The following NDUFAF8 variants were observed in gnomAD, a reference collection of about 807,000 sequenced individuals.
The protein encoded by NDUFAF8 is NADH:ubiquinone oxidoreductase complex assembly factor 8, also known as NADH dehydrogenase [ubiquinone] 1 alpha subcomplex assembly factor 8.
Under a neutral mutation model 9.9 loss-of-function variants are expected in NDUFAF8, and 9 were observed. That is an observed-to-expected ratio of 0.91 (90% CI 0.55 to 1.59). The LOEUF is 1.59. NDUFAF8 is among the 40% of genes most tolerant of loss of function. The pLI is 0.00. For missense variants in NDUFAF8, 114 were observed against 113.8 expected (o/e 1.00, Z -0.01); for synonymous variants, 63 against 51.2 (o/e 1.23, Z -0.98).
At position 81,241,021 on chromosome 17, in the gene NDUFAF8, G is replaced by T. The variant is rs777099199; in HGVS notation, c.*5G>T. The T allele has an allele frequency of 6.2e-7, 1 of 1,613,084 alleles. No homozygotes were observed. The highest frequency in any genetic ancestry group is 8.5e-7 in the Non-Finnish European group (1 of 1,179,622). On this transcript the variant is annotated 3_prime_UTR_variant, in exon 3 of 3. Coordinates refer to ENST00000431388, the MANE Select transcript of NDUFAF8 (RefSeq NM_001086521.2). ...ACGCTGGAGGGAGGCTGTTAGGAGG[G>T]ACTCTGAGCTTCACACCTGTCTGCT... is the stretch of plus-strand genomic sequence containing the variant.
At chr17:81,240,685 G>T (rs549388904) in intron 2 of NDUFAF8, among the ~76,000 whole-genome samples, 39 of 151,580 alleles carry the variant, frequency 2.6e-4, no homozygotes, top group African/African-American at 8.2e-4. Flanking sequence ...AAAAAAAGGG[G>T]GGGGGCTCCT....
Position 81,240,998 on chromosome 17 carries a change from G to T in NDUFAF8, c.207G>T (p.Thr69=). ...RSCFAAAAKK[T]LEGGC ...ACTTTATCTTGCAGGCCAAGAAGAC[G>T]CTGGAGGGAGGCTGTTAGGAGGGAC... Residue 69 remains threonine (T), a synonymous_variant, in exon 3 of 3, where the codon ACG becomes ACT. Coordinates refer to ENST00000431388, the MANE Select transcript of NDUFAF8 (RefSeq NM_001086521.2). 1 of 1,613,300 alleles carries T rather than the reference G, an allele frequency of 6.2e-7. No individual in the cohort carries two copies. The highest frequency in any genetic ancestry group is 1.1e-5 in the South Asian group (1 of 90,968).
rs1223570142 is a variant in NDUFAF8 at position 81,239,387 on chromosome 17, G to A, written c.24G>A (p.Trp8Ter). 20 of 1,369,938 alleles carry A rather than the reference G, an allele frequency of 1.5e-5. No individual in the cohort carries two copies. Among genetic ancestry groups the A allele is most frequent in the Middle Eastern group, 5.4e-4 (2 of 3,680 alleles). The allele number at this position is 1,369,938 out of a possible 1,614,324, so 84.9% of individuals were successfully genotyped here. Reference protein sequence around the residue: MSANGAVWGRVRSRLRAF... With the variant: MSANGAV ...TCATGTCGGCTAACGGAGCGGTGTGGGGCCGCGTGCGAAGCCGCCTCCGCG... is the reference window on the plus strand; with the variant it reads ...TCATGTCGGCTAACGGAGCGGTGTGAGGCCGCGTGCGAAGCCGCCTCCGCG... Residue 8 changes from tryptophan to a stop codon, truncating the protein, a stop_gained, in exon 1 of 3, where the codon TGG becomes TGA. Coordinates refer to ENST00000431388, the MANE Select transcript of NDUFAF8 (RefSeq NM_001086521.2). LOFTEE classifies it high-confidence loss of function.
rs1450437088 is a variant in NDUFAF8, at chr17:81,239,697, C to A, written c.195+19C>A. 2.8e-5 allele frequency: 43 copies of A among 1,530,660 alleles called. No individual in the cohort carries two copies. The highest frequency in any genetic ancestry group is 3.6e-5 in the Non-Finnish European group (41 of 1,141,308). The allele number at this position is 1,530,660 out of a possible 1,614,324, so 94.8% of individuals were successfully genotyped here. A position where few individuals can be genotyped will look rare whatever the true frequency, so the allele number is the denominator to read the frequency against. ...CGCTGCGGTAGGTGGGCGCGGGCCC[C>A]TTCCCCCCTTCCCAGCCCTTCCCCT... On this transcript the variant is annotated intron_variant, in intron 2 of 2. Coordinates refer to ENST00000431388, the MANE Select transcript of NDUFAF8 (RefSeq NM_001086521.2).
At position 81,239,441 on chromosome 17, in the gene NDUFAF8, G is replaced by T; in HGVS notation, c.78G>T (p.Gly26=). ...RAFPERLAAC[G]AEAAAYGRCV... ...TCCCCGAGCGGCTGGCCGCCTGCGG[G>T]GCCGAGGTGAGGAGCCGCGGGCGGG... Residue 26 remains glycine (G), a synonymous_variant, in exon 1 of 3, where the codon GGG becomes GGT. Coordinates refer to ENST00000431388, the MANE Select transcript of NDUFAF8 (RefSeq NM_001086521.2). 1 of 1,365,338 alleles carries T rather than the reference G, an allele frequency of 7.3e-7. No individual in the cohort carries two copies. 84.6% of individuals were successfully genotyped at this position (1,365,338 alleles called of 1,614,324 possible). A position where few individuals can be genotyped will look rare whatever the true frequency, so the allele number is the denominator to read the frequency against.
Position 81,239,428 on chromosome 17 carries a change from T to TGCCTGCGG in NDUFAF8, c.66_67insCCTGCGGG (p.Ala23ProfsTer27). 7.3e-7 allele frequency: 1 copy of TGCCTGCGG among 1,361,048 alleles called. No individual in the cohort carries two copies. Among genetic ancestry groups the TGCCTGCGG allele is most frequent in the African/African-American group, 1.5e-5 (1 of 64,954 alleles). 84.3% of individuals were successfully genotyped at this position (1,361,048 alleles called of 1,614,324 possible). A position where few individuals can be genotyped will look rare whatever the true frequency, so the allele number is the denominator to read the frequency against. On this transcript the variant is annotated frameshift_variant, in exon 1 of 3. Coordinates refer to ENST00000431388, the MANE Select transcript of NDUFAF8 (RefSeq NM_001086521.2). LOFTEE classifies it high-confidence loss of function. ...CGCCTCCGCGCCTTCCCCGAGCGGCTGGCCGCCTGCGGGGCCGAGGTGAGG... is the reference window on the plus strand; with the variant it reads ...CGCCTCCGCGCCTTCCCCGAGCGGCTGCCTGCGGGGCCGCCTGCGGGGCCGAGGTGAGG...
chr17:81,239,563 C>T lies in NDUFAF8; in HGVS notation c.85-5C>T, dbSNP rs1015404982. 5 of 1,529,350 alleles carry T rather than the reference C, an allele frequency of 3.3e-6. No homozygotes were observed. The highest frequency in any genetic ancestry group is 4.4e-6 in the Non-Finnish European group (5 of 1,142,144). 94.7% of individuals were successfully genotyped at this position (1,529,350 alleles called of 1,614,324 possible). A position where few individuals can be genotyped will look rare whatever the true frequency, so the allele number is the denominator to read the frequency against. ...CCCCACGACCCACGCCCGTCCTTTC[C>T]GCAGGCCGCGGCGTACGGCAGGTGC... is the stretch of plus-strand genomic sequence containing the variant. On this transcript the variant is annotated splice_polypyrimidine_tract_variant and splice_region_variant and intron_variant, in intron 1 of 2. Coordinates refer to ENST00000431388, the MANE Select transcript of NDUFAF8 (RefSeq NM_001086521.2).
intron 2 of NDUFAF8, 21 bp downstream of exon 2, chr17:81,239,699 T>TC (rs1021244801): frequency 3.0e-5 from 46 of 1,529,900 alleles, no homozygotes; most frequent in Non-Finnish European, 4.0e-5. Flanking sequence ...GCGGGCCCCT[T>TC]CCCCCCTTCC....
At position 81,239,609 on chromosome 17, in the gene NDUFAF8, G is replaced by A. The variant is rs1028254775; in HGVS notation, c.126G>A (p.Pro42=). 6.5e-7 allele frequency: 1 copy of A among 1,539,178 alleles called. No homozygotes were observed. Among genetic ancestry groups the A allele is most frequent in the Non-Finnish European group, 8.7e-7 (1 of 1,146,282 alleles). The change falls in exon 2 of 3, where the codon CCG becomes CCA. Residue 42 remains proline (P), a synonymous_variant. Coordinates refer to ENST00000431388, the MANE Select transcript of NDUFAF8 (RefSeq NM_001086521.2). ...GGTGCGTGCAGGCCTCCACGGCCCC[G>A]GGCGGCCGCCTGAGTAAGGACTTCT... ...YGRCVQASTA[P]GGRLSKDFCA... is the part of the protein sequence containing the mutation.
chr17:81,239,905 G>A (rs1598368467), intron 2 of NDUFAF8: 2 of 597,696 alleles, frequency 3.3e-6, no homozygotes, highest in Admixed American at 3.1e-5. Flanking sequence ...ACCTCAGAAA[G>A]GATGGGAGAT....
chr17:81,240,978 A>C lies in NDUFAF8; in HGVS notation c.196-9A>C. 1 of 1,613,078 alleles carries C rather than the reference A, an allele frequency of 6.2e-7. No individual in the cohort carries two copies. The highest frequency in any genetic ancestry group is 8.5e-7 in the Non-Finnish European group (1 of 1,179,614). ...GCAAGCCATTCAGACAAAACACTTTATCTTGCAGGCCAAGAAGACGCTGGA... is the reference window on the plus strand; with the variant it reads ...GCAAGCCATTCAGACAAAACACTTTCTCTTGCAGGCCAAGAAGACGCTGGA... On this transcript the variant is annotated splice_polypyrimidine_tract_variant and intron_variant, in intron 2 of 2. Transcript: ENST00000431388.
At position 81,239,420 on chromosome 17, in the gene NDUFAF8, C is replaced by G. The variant is rs759930766; in HGVS notation, c.57C>G (p.Pro19=). 673 of 1,362,542 alleles carry G rather than the reference C, an allele frequency of 4.9e-4. No homozygotes were observed. The highest frequency in any genetic ancestry group is 6.1e-4 in the Non-Finnish European group (644 of 1,057,344). The allele number at this position is 1,362,542 out of a possible 1,614,324, so 84.4% of individuals were successfully genotyped here. The part of the protein sequence containing the change: ...GRVRSRLRAF[P]ERLAACGAEA... ...TGCGAAGCCGCCTCCGCGCCTTCCCCGAGCGGCTGGCCGCCTGCGGGGCCG... is the reference window on the plus strand; with the variant it reads ...TGCGAAGCCGCCTCCGCGCCTTCCCGGAGCGGCTGGCCGCCTGCGGGGCCG... The change falls in exon 1 of 3, where the codon CCC becomes CCG. Residue 19 remains proline, a synonymous_variant. Transcript: ENST00000431388.
chr17:81,239,475 G>A, intron 1 of NDUFAF8, 28 bp downstream of exon 1: 5 of 1,402,106 alleles, frequency 3.6e-6, no homozygotes, highest in Non-Finnish European at 3.7e-6. Context: ...GGCCAGTGCT[G>A]CGGGGCAGGA....
intron 2 of NDUFAF8, 86 bp from the exon 3 acceptor site, chr17:81,240,901 G>A: frequency 1.4e-6 from 2 of 1,479,838 alleles, no homozygotes; most frequent in Non-Finnish European, 1.8e-6. Flanking sequence ...GTATTTGGTA[G>A]AACACAACGT....
In NDUFAF8 at chr17:81,241,123, A is replaced by C. The variant is rs752418284; in HGVS notation, c.*107A>C. ...TGCCTAGGGCAGAAAGGAAGTGGGAATGGCGAAGATGTGACATTCCTCGGT... is the reference window on the plus strand; with the variant it reads ...TGCCTAGGGCAGAAAGGAAGTGGGACTGGCGAAGATGTGACATTCCTCGGT... On this transcript the variant is annotated 3_prime_UTR_variant, in exon 3 of 3. Transcript: ENST00000431388. 6 of 1,460,984 alleles carry C rather than the reference A, an allele frequency of 4.1e-6. No individual in the cohort carries two copies. Among genetic ancestry groups the C allele is most frequent in the Non-Finnish European group, 5.5e-6 (6 of 1,096,858 alleles). 90.5% of individuals were successfully genotyped at this position (1,460,984 alleles called of 1,614,324 possible). A position where few individuals can be genotyped will look rare whatever the true frequency, so the allele number is the denominator to read the frequency against.
chr17:81,240,494 G>A (rs1196591561), intron 2 of NDUFAF8: 2 of 154,046 alleles, frequency 1.3e-5, no homozygotes, highest in African/African-American at 4.9e-5. Flanking sequence ...AACATATGGA[G>A]ACCCCGTCTC....
Position 81,239,654 on chromosome 17 carries a change from C to T in NDUFAF8, c.171C>T (p.Ala57=), listed in dbSNP as rs1365580407. 5.2e-6 allele frequency: 8 copies of T among 1,540,004 alleles called. No homozygotes were observed. In the Admixed American group the frequency reaches 7.8e-5, roughly 15 times the overall value. ...ACTTCTGCGCGCGGGAGTTCGAGGC[C>T]CTGCGGAGCTGCTTCGCCGCTGCGG... ...SKDFCAREFE[A]LRSCFAAAAK... is the part of the protein sequence containing the mutation. The change falls in exon 2 of 3, where the codon GCC becomes GCT. Residue 57 remains alanine (A), a synonymous_variant. Transcript: ENST00000431388.
In NDUFAF8 at chr17:81,241,153, G is replaced by A; in HGVS notation, c.*137G>A. 1 of 1,410,810 alleles carries A rather than the reference G, an allele frequency of 7.1e-7. No homozygotes were observed. Among genetic ancestry groups the A allele is most frequent in the Non-Finnish European group, 9.3e-7 (1 of 1,074,332 alleles). 87.4% of individuals were successfully genotyped at this position (1,410,810 alleles called of 1,614,324 possible). A position where few individuals can be genotyped will look rare whatever the true frequency, so the allele number is the denominator to read the frequency against. ...GAAGATGTGACATTCCTCGGTGTTAGATCCTGTTTTTTCTTAACAAGTTGA... is the reference window on the plus strand; with the variant it reads ...GAAGATGTGACATTCCTCGGTGTTAAATCCTGTTTTTTCTTAACAAGTTGA... On this transcript the variant is annotated 3_prime_UTR_variant, in exon 3 of 3. Transcript: ENST00000431388.
At chr17:81,240,109 A>C in intron 2 of NDUFAF8, 2 of 209,572 alleles carry the variant, frequency 9.5e-6, no homozygotes, top group South Asian at 5.5e-5. Context: ...CCTGCGGGGA[A>C]CCCCCAGCCA....
Sources: gnomAD v4.1 joint callset for allele counts (sites outside exome capture counted in the v4.1 genomes callset) on GRCh38, gnomAD v4.1.1 for gene constraint, MANE v1.5 for transcripts, NCBI Gene and HGNC (gene_info 2026-07-23, HGNC 2026-07-21) for gene names.